The following MAP2K4 variants were observed in gnomAD, a reference collection of about 807,000 sequenced individuals.
The protein encoded by MAP2K4 is dual specificity mitogen-activated protein kinase kinase 4.
In MAP2K4, 4 loss-of-function variants were observed where a neutral mutation model predicts 48.5. The observed-to-expected ratio is 0.08, with a 90% CI of 0.04 to 0.19. MAP2K4 has a LOEUF of 0.19. MAP2K4 is among the 10% of genes least tolerant of loss of function. The pLI is 1.00. For missense variants in MAP2K4, 258 were observed against 493.3 expected, an observed-to-expected ratio of 0.52 and a Z score of 4.52; for synonymous variants, 166 against 173.1, an observed-to-expected ratio of 0.96 and a Z score of 0.32.
intron 2 of MAP2K4, among the ~76,000 whole-genome samples, chr17:12,060,046 T>C (rs9910436): frequency 0.17 from 26,013 of 151,856 alleles, 2,588 homozygotes; most frequent in South Asian, 0.3. Context: ...CGTGTGATGG[T>C]GTGCGCCTGT....
chr17:12,095,488 G>A (rs749989955), intron 3 of MAP2K4, 87 bp from the exon 4 acceptor site: 1 of 1,483,500 alleles, frequency 6.7e-7, no homozygotes, highest in South Asian at 1.2e-5. Flanking sequence ...TCTCGTAACG[G>A]TTTTTCTCTA....
chr17:12,108,522 A>G (rs540208394), intron 5 of MAP2K4, among the ~76,000 whole-genome samples: 11 of 151,592 alleles, frequency 7.3e-5, no homozygotes, highest in Non-Finnish European at 1.2e-4. Flanking sequence ...TAGTTTTGAA[A>G]GTGAATTGAT....
chr17:12,091,827 A>G (rs769812369), intron 3 of MAP2K4, among the ~76,000 whole-genome samples: 1 of 152,200 alleles, frequency 6.6e-6, no homozygotes, highest in African/African-American at 2.4e-5. Context: ...AACTACTTAT[A>G]TATGTAGAGT....
intron 5 of MAP2K4, among the ~76,000 whole-genome samples, chr17:12,109,297 A>G (rs1339805394): frequency 6.6e-6 from 1 of 152,220 alleles, no homozygotes; most frequent in East Asian, 1.9e-4. Context: ...TATACTGTAA[A>G]AAATGATTTA....
chr17:12,021,734 G>GACAA (rs1969070457), intron 1 of MAP2K4, among the ~76,000 whole-genome samples: 1 of 99,984 alleles, frequency 1.0e-5, no homozygotes, highest in Admixed American at 1.1e-4. Flanking sequence ...CGTGCAGGAA[G>GACAA]AAAAAAAAAA....
chr17:12,115,628 C>A, intron 7 of MAP2K4: 1 of 745,232 alleles, frequency 1.3e-6, no homozygotes, highest in South Asian at 1.4e-5. Flanking sequence ...ATAGAAAGCA[C>A]AATTGGTGGT....
chr17:12,033,080 C>T (rs868665848), intron 1 of MAP2K4, among the ~76,000 whole-genome samples: 1 of 152,114 alleles, frequency 6.6e-6, no homozygotes, highest in African/African-American at 2.4e-5. Context: ...AAGAGATCCT[C>T]CTTTCTTGGC....
rs1973423362 is a variant in MAP2K4, at chr17:12,143,062, A to G, written c.*1802A>G. 4.3e-6 allele frequency: 1 copy of G among 232,918 alleles called. No individual in the cohort carries two copies. Among genetic ancestry groups the G allele is most frequent in the African/African-American group, 2.2e-5 (1 of 45,296 alleles). 14.4% of individuals were successfully genotyped at this position (232,918 alleles called of 1,614,324 possible). ...ATTATCTCTTTGATCTACTTGCCTC[A>G]TTTCCCTATCTTCTCCCCCACGGTA... is the stretch of plus-strand genomic sequence containing the variant. On this transcript the variant is annotated 3_prime_UTR_variant, in exon 11 of 11. Coordinates refer to ENST00000353533, the MANE Select transcript of MAP2K4 (RefSeq NM_003010.4).
At chr17:12,061,752 A>C (rs1970454173) in intron 2 of MAP2K4, among the ~76,000 whole-genome samples, 1 of 152,168 alleles carries the variant, frequency 6.6e-6, no homozygotes, top group South Asian at 2.1e-4. Flanking sequence ...TTTTCCAACC[A>C]TTTCTAATCA....
chr17:12,137,972 G>A (rs551183303), intron 9 of MAP2K4, among the ~76,000 whole-genome samples: 1 of 152,020 alleles, frequency 6.6e-6, no homozygotes, highest in African/African-American at 2.4e-5. Flanking sequence ...AAATTACCGA[G>A]CAATATCAGG....
chr17:12,093,883 A>T (rs1390383874), intron 3 of MAP2K4, among the ~76,000 whole-genome samples: 2 of 152,202 alleles, frequency 1.3e-5, no homozygotes, highest in Admixed American at 1.3e-4. Flanking sequence ...GTTATTTTTT[A>T]AAAAACAGGT....
intron 1 of MAP2K4, among the ~76,000 whole-genome samples, chr17:12,038,952 A>G (rs1376422656): frequency 6.6e-6 from 1 of 152,126 alleles, no homozygotes. Flanking sequence ...CATTTGCACT[A>G]GGTTATGAGA....
chr17:12,057,302 G>T (rs1970309258), intron 2 of MAP2K4, among the ~76,000 whole-genome samples: 1 of 152,172 alleles, frequency 6.6e-6, no homozygotes, highest in African/African-American at 2.4e-5. Context: ...ACTGGATTTT[G>T]AAAGACAGGC....
chr17:12,082,845 C>T (rs916436754), intron 3 of MAP2K4, among the ~76,000 whole-genome samples: 1 of 152,166 alleles, frequency 6.6e-6, no homozygotes, highest in African/African-American at 2.4e-5. Context: ...AGGTGAAGAA[C>T]TCTGCATTAT....
At chr17:12,058,471 G>A (rs2151528907) in intron 2 of MAP2K4, among the ~76,000 whole-genome samples, 1 of 152,154 alleles carries the variant, frequency 6.6e-6, no homozygotes, top group South Asian at 2.1e-4. Flanking sequence ...ACCATGATTT[G>A]TCCCTCATAT....
intron 1 of MAP2K4, among the ~76,000 whole-genome samples, chr17:12,042,823 G>A (rs549125729): frequency 2.6e-5 from 4 of 152,254 alleles, no homozygotes; most frequent in South Asian, 2.1e-4. Context: ...CGAGGTGGGC[G>A]GATCATGAGG....
chr17:12,029,867 A>G (rs145575546), intron 1 of MAP2K4, among the ~76,000 whole-genome samples: 203 of 151,972 alleles, frequency 1.3e-3, no homozygotes, highest in Non-Finnish European at 1.9e-3. Context: ...GCAGTGAGCT[A>G]TGATCATGCC....
At position 12,092,257 on chromosome 17, in the gene MAP2K4, T is replaced by G. The variant is rs943260987; in HGVS notation, c.394-3318T>G. On this transcript the variant is annotated intron_variant, in intron 3 of 10. Transcript: ENST00000353533. ...CTATTCAAAGTTTTTTATCAATGGTTGTTGCTTCTGAACATTATGATTATG... is the reference window on the plus strand; with the variant it reads ...CTATTCAAAGTTTTTTATCAATGGTGGTTGCTTCTGAACATTATGATTATG... Among the ~76,000 whole-genome samples the G allele has an allele frequency of 4.6e-5, 7 of 152,318 alleles. No homozygotes were observed. In the East Asian group the frequency reaches 9.6e-4, roughly 21 times the overall value.
intron 1 of MAP2K4, among the ~76,000 whole-genome samples, chr17:12,044,719 C>T (rs1969903871): frequency 6.6e-6 from 1 of 152,206 alleles, no homozygotes; most frequent in Admixed American, 6.5e-5. Flanking sequence ...GAGATAGTGT[C>T]AGATCCCACC....
Sources: allele counts gnomAD v4.1 joint callset (sites outside exome capture counted in the v4.1 genomes callset), GRCh38; gene constraint gnomAD v4.1.1; transcripts MANE v1.5; gene names NCBI Gene and HGNC (gene_info 2026-07-23, HGNC 2026-07-21).